GMDS: variants seen among roughly 807,000 people sequenced by gnomAD.
The protein encoded by GMDS is GDP-mannose 4,6-dehydratase.
GMDS carries 20 observed loss-of-function variants against 49.9 expected under a neutral mutation model. That is an observed-to-expected ratio of 0.40 (90% CI 0.28 to 0.58). The LOEUF (loss-of-function observed/expected upper bound fraction) is 0.58, where lower values mean the gene tolerates loss of function less well. GMDS is among the 20% of genes least tolerant of loss of function. The pLI is 0.42. For missense variants in GMDS, 362 were observed against 481.4 expected, an observed-to-expected ratio of 0.75 and a Z score of 2.32; for synonymous variants, 177 against 178.6, an observed-to-expected ratio of 0.99 and a Z score of 0.07.
intron 7 of GMDS, among the ~76,000 whole-genome samples, chr6:1,813,908 G>A (rs1394321808): frequency 1.3e-5 from 2 of 152,024 alleles, no homozygotes; most frequent in Admixed American, 1.3e-4. Flanking sequence ...AGTAATATTC[G>A]GGCTTATATA....
At chr6:1,726,604 G>A (rs894324548) in intron 8 of GMDS, 92 bp from the exon 9 acceptor site, 8 of 877,348 alleles carry the variant, frequency 9.1e-6, no homozygotes, top group African/African-American at 1.6e-5. Context: ...CCCTCTCCCC[G>A]CAGGAGCGCT....
At chr6:2,190,998 G>A (rs773683585) in intron 1 of GMDS, among the ~76,000 whole-genome samples, 3 of 152,156 alleles carry the variant, frequency 2.0e-5, no homozygotes, top group Admixed American at 6.5e-5. Flanking sequence ...CAACTGCTGC[G>A]GGGAGGGCAC....
intron 9 of GMDS, among the ~76,000 whole-genome samples, chr6:1,709,864 C>A (rs1047750574): frequency 6.6e-6 from 1 of 152,150 alleles, no homozygotes; most frequent in African/African-American, 2.4e-5. Flanking sequence ...CAAATACAGT[C>A]CTTTGGTTGG....
chr6:2,214,433 A>T (rs1041921202), intron 1 of GMDS, among the ~76,000 whole-genome samples: 1 of 152,198 alleles, frequency 6.6e-6, no homozygotes, highest in African/African-American at 2.4e-5. Flanking sequence ...CTTTATTGTC[A>T]TTATTCCCTA....
At chr6:2,083,612 C>T (rs895185727) in intron 4 of GMDS, among the ~76,000 whole-genome samples, 13 of 152,326 alleles carry the variant, frequency 8.5e-5, no homozygotes, top group African/African-American at 3.1e-4. Flanking sequence ...TTGACCCAAA[C>T]ATCTTCTAGA....
chr6:1,916,433 A>G (rs998442228), intron 7 of GMDS, among the ~76,000 whole-genome samples: 9 of 151,942 alleles, frequency 5.9e-5, no homozygotes, highest in Non-Finnish European at 1.3e-4. Flanking sequence ...CTGTGAAAGA[A>G]AGGGAGAGAG....
intron 4 of GMDS, among the ~76,000 whole-genome samples, chr6:2,029,373 T>C (rs1768818572): frequency 6.6e-6 from 1 of 152,198 alleles, no homozygotes; most frequent in Admixed American, 6.5e-5. Flanking sequence ...TCCCCTCAAA[T>C]TCCTTCTCAC....
intron 6 of GMDS, among the ~76,000 whole-genome samples, chr6:1,958,561 G>A (rs1763767886): frequency 6.6e-6 from 1 of 152,046 alleles, no homozygotes; most frequent in South Asian, 2.1e-4. Context: ...GTGATGACAG[G>A]CTAGGTTCTT....
intron 1 of GMDS, among the ~76,000 whole-genome samples, chr6:2,168,531 T>A (rs138249511): frequency 2.1e-4 from 32 of 152,358 alleles, no homozygotes; most frequent in African/African-American, 6.3e-4. Flanking sequence ...AGACAGTGTA[T>A]TTATACATTG....
chr6:1,634,332 A>C (rs1010891797), intron 9 of GMDS, among the ~76,000 whole-genome samples: 6 of 152,162 alleles, frequency 3.9e-5, no homozygotes, highest in African/African-American at 7.2e-5. Context: ...AAGGCTACTG[A>C]GATGCCGCTC....
rs1561961806 is a variant in GMDS, at chr6:1,999,987, ATATATATATTATATATATATATTTTT to A, written c.346-39047_346-39022del. On this transcript the variant is annotated intron_variant, in intron 4 of 10. Coordinates refer to ENST00000380815, the MANE Select transcript of GMDS (RefSeq NM_001500.4). ...TATATATATTATATATATATTTTATATATATATATTATATATATATATTTTTTATATATATATATATCTATATCTTT... is the reference window on the plus strand; with the variant it reads ...TATATATATTATATATATATTTTATATATATATATATATATCTATATCTTT... Among the ~76,000 whole-genome samples the A allele has an allele frequency of 4.3e-4, 7 of 16,292 alleles. 2 individuals carry two copies. The highest frequency in any genetic ancestry group is 6.3e-4 in the Non-Finnish European group (5 of 7,986). 10.7% of individuals were successfully genotyped at this position (16,292 alleles called of 152,430 possible).
chr6:1,775,397 T>C (rs1455638257), intron 7 of GMDS, among the ~76,000 whole-genome samples: 1 of 152,224 alleles, frequency 6.6e-6, no homozygotes, highest in Admixed American at 6.5e-5. Flanking sequence ...CCTTTTCCTT[T>C]TACTCTGTTG....
intron 6 of GMDS, among the ~76,000 whole-genome samples, chr6:1,931,911 T>C (rs976149184): frequency 1.3e-5 from 2 of 152,192 alleles, no homozygotes; most frequent in African/African-American, 4.8e-5. Context: ...AGCTAGGCAC[T>C]GGGGATCTGG....
intron 9 of GMDS, among the ~76,000 whole-genome samples, chr6:1,681,156 A>C (rs988974834): frequency 2.0e-5 from 3 of 151,980 alleles, no homozygotes; most frequent in Non-Finnish European, 4.4e-5. Flanking sequence ...ATATACACAC[A>C]CACACACCTC....
At chr6:2,014,775 G>C (rs1405549146) in intron 4 of GMDS, among the ~76,000 whole-genome samples, 3 of 151,998 alleles carry the variant, frequency 2.0e-5, no homozygotes, top group Non-Finnish European at 2.9e-5. Context: ...AGAAAACAAA[G>C]AGTGACACAG....
intron 1 of GMDS, among the ~76,000 whole-genome samples, chr6:2,174,240 G>A (rs566948560): frequency 4.6e-5 from 7 of 152,266 alleles, no homozygotes; most frequent in Middle Eastern, 3.4e-3. Context: ...AAAGGCTGAG[G>A]GGATGGATGA....
chr6:1,996,814 A>G (rs2127372865), intron 4 of GMDS, among the ~76,000 whole-genome samples: 1 of 152,226 alleles, frequency 6.6e-6, no homozygotes, highest in East Asian at 1.9e-4. Flanking sequence ...TTCATGTCTG[A>G]GGACATGTAC....
intron 7 of GMDS, among the ~76,000 whole-genome samples, chr6:1,799,687 G>GA (rs1769870433): frequency 6.6e-6 from 1 of 152,094 alleles, no homozygotes; most frequent in South Asian, 2.1e-4. Context: ...AAACTGGAGG[G>GA]AGACTCCAGA....
intron 4 of GMDS, among the ~76,000 whole-genome samples, chr6:2,094,463 G>A (rs1259083824): frequency 1.3e-5 from 2 of 152,222 alleles, no homozygotes; most frequent in Non-Finnish European, 2.9e-5. Context: ...TGGCATGACT[G>A]CCAATAAAGC....
Sources: allele counts gnomAD v4.1 joint callset (sites outside exome capture counted in the v4.1 genomes callset), GRCh38; gene constraint gnomAD v4.1.1; transcripts MANE v1.5; gene names NCBI Gene and HGNC (gene_info 2026-07-23, HGNC 2026-07-21).